Variants in WASHC2C observed in about 807,000 individuals in gnomAD.
WASHC2C encodes Vaccinia Penetration Factor.
WASHC2C carries 73 observed loss-of-function variants against 142.2 expected under a neutral mutation model. The observed-to-expected ratio is 0.51, with a 90% CI of 0.43 to 0.62. The LOEUF is 0.62. Among genes scored for constraint, WASHC2C ranks in the 20% least tolerant of loss-of-function variants. WASHC2C has a pLI of 0.00. For synonymous variants in WASHC2C, 337 were observed against 565.5 expected (o/e 0.60, Z 5.73); for missense variants, 969 against 1,531.7 (o/e 0.63, Z 6.13).
chr10:45,771,189 A>AC (rs1293639559), intron 20 of WASHC2C, among the ~76,000 whole-genome samples: 4 of 151,632 alleles, frequency 2.6e-5, no homozygotes, highest in African/African-American at 9.7e-5. Context: ...ACATGGTGAA[A>AC]CCCCGTCTCT....
In WASHC2C at chr10:45,789,706, ATGATCAT is replaced by A. The variant is rs1430451711; in HGVS notation, c.3708+220_3708+226del. 7.2e-4 allele frequency among the ~76,000 whole-genome samples: 110 copies of A among 152,368 alleles called. 2 individuals are homozygous for A. The East Asian group carries it at 0.02, about 28-fold the overall frequency. Reference sequence around the variant, plus strand: ...TGTAGAATGTATTTCTTGGCTGGCCATGATCATTGATACTGATCTTGGTTTCTCTAGT... The same window carrying A: ...TGTAGAATGTATTTCTTGGCTGGCCATGATACTGATCTTGGTTTCTCTAGT... On this transcript the variant is annotated intron_variant, in intron 29 of 30. Coordinates refer to ENST00000623400, the MANE Select transcript of WASHC2C (RefSeq NM_001330074.2).
rs1227809519 is a variant in WASHC2C at position 45,749,836 on chromosome 10, A to AAAAAATATAT, written c.733-259_733-258insAAAATATATA. On this transcript the variant is annotated intron_variant, in intron 8 of 30. Transcript: ENST00000623400. ...GCAAGACTCCATCTCAAAAAAAAAAAATATATATATATATATATATTTATA... is the reference window on the plus strand; with the variant it reads ...GCAAGACTCCATCTCAAAAAAAAAAAAAAAATATATATATATATATATATATATATTTATA... Among the ~76,000 whole-genome samples, 351 of 101,720 alleles carry AAAAAATATAT rather than the reference A, an allele frequency of 3.5e-3. 2 individuals carry two copies. Among genetic ancestry groups the AAAAAATATAT allele is most frequent in the East Asian group, 9.4e-3 (27 of 2,886 alleles). The allele number at this position is 101,720 out of a possible 152,430, so 66.7% of individuals were successfully genotyped here.
chr10:45,770,168 G>C (rs1395885638), intron 20 of WASHC2C, among the ~76,000 whole-genome samples: 1 of 151,152 alleles, frequency 6.6e-6, no homozygotes, highest in Non-Finnish European at 1.5e-5. Flanking sequence ...TTGAACTCGG[G>C]AGGTGGAGGT....
chr10:45,747,867 G>A (rs1484517932), intron 8 of WASHC2C, among the ~76,000 whole-genome samples: 1 of 150,138 alleles, frequency 6.7e-6, no homozygotes. Context: ...TTACAGGTAT[G>A]AGCCACCACG....
chr10:45,728,457 G>A (rs2610480), intron 2 of WASHC2C, among the ~76,000 whole-genome samples: 34 of 151,918 alleles, frequency 2.2e-4, no homozygotes, highest in South Asian at 6.2e-4. Flanking sequence ...CCAGCATTCC[G>A]GCCGGGCACA....
At chr10:45,753,426 T>G (rs1285676100) in intron 13 of WASHC2C, among the ~76,000 whole-genome samples, 189 bp downstream of exon 13, 4 of 143,406 alleles carry the variant, frequency 2.8e-5, no homozygotes, top group Non-Finnish European at 4.5e-5. Flanking sequence ...CAGTACCATC[T>G]GTAAACCCAT....
chr10:45,775,497 AAAAG>A (rs1389036943), intron 21 of WASHC2C, among the ~76,000 whole-genome samples: 7 of 145,412 alleles, frequency 4.8e-5, no homozygotes, highest in East Asian at 4.1e-4. Context: ...AAAAAAAAAA[AAAAG>A]AAAGAAAAAA....
chr10:45,758,483 T>A (rs1461858939), intron 16 of WASHC2C, among the ~76,000 whole-genome samples: 7 of 152,198 alleles, frequency 4.6e-5, no homozygotes, highest in Non-Finnish European at 8.8e-5. Flanking sequence ...ATATTTCTTA[T>A]TAGTTGGCAT....
Position 45,792,694 on chromosome 10 carries a change from T to C in WASHC2C, c.*294T>C. 1 of 524,238 alleles carries C rather than the reference T, an allele frequency of 1.9e-6. No homozygotes were observed. Among genetic ancestry groups the C allele is most frequent in the Non-Finnish European group, 3.6e-6 (1 of 279,440 alleles). The allele number at this position is 524,238 out of a possible 1,614,324, so 32.5% of individuals were successfully genotyped here. A position where few individuals can be genotyped will look rare whatever the true frequency, so the allele number is the denominator to read the frequency against. ...AGGGTGTGTAAAAGAAGAAATCTCT[T>C]TGTGGCTTTCATGGGCAGGGAATCT... On this transcript the variant is annotated 3_prime_UTR_variant, in exon 31 of 31. Coordinates refer to ENST00000623400, the MANE Select transcript of WASHC2C (RefSeq NM_001330074.2).
At position 45,747,440 on chromosome 10, in the gene WASHC2C, G is replaced by A. The variant is rs1414904511; in HGVS notation, c.732+793G>A. ...ATTACAGGCGTGAGCCACCATGCCTGGCCTCCTTATTTTAAATAGCCTTTG... is the reference window on the plus strand; with the variant it reads ...ATTACAGGCGTGAGCCACCATGCCTAGCCTCCTTATTTTAAATAGCCTTTG... On this transcript the variant is annotated intron_variant, in intron 8 of 30. Coordinates refer to ENST00000623400, the MANE Select transcript of WASHC2C (RefSeq NM_001330074.2). Among the ~76,000 whole-genome samples, 4 of 152,066 alleles carry A rather than the reference G, an allele frequency of 2.6e-5. No homozygotes were observed. The East Asian group carries it at 7.8e-4, about 30-fold the overall frequency.
At chr10:45,788,837 C>T (rs1316788968) in intron 28 of WASHC2C, 34 bp from the exon 29 acceptor site, 23 of 1,611,872 alleles carry the variant, frequency 1.4e-5, no homozygotes, top group Admixed American at 5.0e-5. Context: ...TTTATTTTAT[C>T]GTCAGATCAA....
At chr10:45,771,987 G>A (rs1376907128) in intron 20 of WASHC2C, among the ~76,000 whole-genome samples, 1 of 152,232 alleles carries the variant, frequency 6.6e-6, no homozygotes, top group Admixed American at 6.5e-5. Flanking sequence ...AGCCGAAAGT[G>A]TAAACAACCC....
Position 45,743,444 on chromosome 10 carries a change from G to A in WASHC2C, c.583G>A (p.Glu195Lys), listed in dbSNP as rs2052399245. 6.2e-7 allele frequency: 1 copy of A among 1,611,782 alleles called. No homozygotes were observed. Among genetic ancestry groups the A allele is most frequent in the Admixed American group, 1.7e-5 (1 of 59,988 alleles). Residue 195 changes from glutamate to lysine, a missense_variant, in exon 6 of 31, where the codon GAA (glutamate) becomes AAA (lysine). Coordinates refer to ENST00000623400, the MANE Select transcript of WASHC2C (RefSeq NM_001330074.2). Reference protein sequence around the residue: ...PYLIGSKLFMEQEDVGLGELS... With the variant: ...PYLIGSKLFMKQEDVGLGELS... Reference sequence around the variant, plus strand: ...TCTCATTGGGTCAAAGCTGTTCATGGAACAAGAAGATGTAGGTCTTGGAGA... The same window carrying A: ...TCTCATTGGGTCAAAGCTGTTCATGAAACAAGAAGATGTAGGTCTTGGAGA...
Position 45,746,486 on chromosome 10 carries a change from G to A in WASHC2C, c.685-114G>A, listed in dbSNP as rs1164648716. On this transcript the variant is annotated intron_variant, in intron 7 of 30. Coordinates refer to ENST00000623400, the MANE Select transcript of WASHC2C (RefSeq NM_001330074.2). ...CAGTACAAAGAGACTGAGTGTCAGA[G>A]CTTTTTCTCCACTTGACATAGAATC... The A allele has an allele frequency of 4.8e-6, 6 of 1,259,514 alleles. No homozygotes were observed. In the African/African-American group the frequency reaches 6.0e-5, roughly 13 times the overall value. The allele number at this position is 1,259,514 out of a possible 1,614,324, so 78.0% of individuals were successfully genotyped here.
intron 20 of WASHC2C, among the ~76,000 whole-genome samples, chr10:45,770,623 GT>G (rs782227409): frequency 3.4e-4 from 52 of 152,334 alleles, no homozygotes; most frequent in Non-Finnish European, 6.5e-4. Flanking sequence ...AGATTCAGAA[GT>G]ACCTCAGGTT....
At chr10:45,775,305 G>A (rs1191132950) in intron 21 of WASHC2C, among the ~76,000 whole-genome samples, 1 of 136,122 alleles carries the variant, frequency 7.3e-6, no homozygotes, top group East Asian at 2.1e-4. Flanking sequence ...TGGCCAACAT[G>A]GTGGAACCCC....
chr10:45,784,557 G>A lies in WASHC2C; in HGVS notation c.2479-8G>A, dbSNP rs781968329. ...CTAATCACACATGACCTTCCCTCCT[G>A]TTCCCAGGGCTGCGATCCTGATGCC... On this transcript the variant is annotated splice_polypyrimidine_tract_variant and splice_region_variant and intron_variant, in intron 23 of 30. Transcript: ENST00000623400. The A allele has an allele frequency of 2.1e-5, 34 of 1,611,052 alleles. No homozygotes were observed. In the East Asian group the frequency reaches 7.6e-4, roughly 36 times the overall value.
At chr10:45,745,712 A>G (rs1307751263) in intron 7 of WASHC2C, among the ~76,000 whole-genome samples, 14 of 151,862 alleles carry the variant, frequency 9.2e-5, no homozygotes, top group Non-Finnish European at 1.8e-4. Flanking sequence ...CTTCATCAAT[A>G]GTTGCTCGTA....
chr10:45,792,248 T>C lies in WASHC2C; in HGVS notation c.3887-13T>C. 4.5e-6 allele frequency: 7 copies of C among 1,563,802 alleles called. 1 individual carries two copies. The highest frequency in any genetic ancestry group is 6.1e-6 in the Non-Finnish European group (7 of 1,145,900). ...CCCTCTTCAGCAACTGTTTTTCTTT[T>C]TTCTTTCTAAAGATGACATCTTCTC... On this transcript the variant is annotated splice_polypyrimidine_tract_variant and intron_variant, in intron 30 of 30. Transcript: ENST00000623400.
Sources: allele counts gnomAD v4.1 joint callset (sites outside exome capture counted in the v4.1 genomes callset), GRCh38; gene constraint gnomAD v4.1.1; transcripts MANE v1.5; gene names NCBI Gene and HGNC (gene_info 2026-07-23, HGNC 2026-07-21).